MYRIP: variants seen among roughly 807,000 people sequenced by gnomAD.
MYRIP encodes myosin VIIA and Rab interacting protein, also known as rab effector MyRIP.
MYRIP carries 49 observed loss-of-function variants against 98.0 expected under a neutral mutation model. That is an observed-to-expected ratio of 0.50 (90% CI 0.40 to 0.63). The LOEUF (loss-of-function observed/expected upper bound fraction) is 0.63. Ranked by LOEUF, MYRIP falls within the 30% of genes least tolerant of loss-of-function variation. MYRIP has a pLI of 0.00. For missense variants in MYRIP, 1,004 were observed against 1,058.2 expected, an observed-to-expected ratio of 0.95 and a Z score of 0.71; for synonymous variants, 404 against 409.5, an observed-to-expected ratio of 0.99 and a Z score of 0.16.
intron 9 of MYRIP, among the ~76,000 whole-genome samples, chr3:40,184,123 CCTTT>C (rs1950963081): frequency 6.6e-6 from 1 of 152,118 alleles, no homozygotes; most frequent in Non-Finnish European, 1.5e-5. Flanking sequence ...TCTAGATATG[CCTTT>C]CTTTCCTCCC....
chr3:40,021,708 A>G (rs1449244276), intron 2 of MYRIP, among the ~76,000 whole-genome samples: 2 of 152,174 alleles, frequency 1.3e-5, no homozygotes, highest in South Asian at 2.1e-4. Context: ...GTTTTGACCA[A>G]CTCTGGAGGA....
chr3:39,904,604 G>A (rs982772913), intron 2 of MYRIP, among the ~76,000 whole-genome samples: 3 of 152,104 alleles, frequency 2.0e-5, no homozygotes, highest in Non-Finnish European at 4.4e-5. Flanking sequence ...TATGGAAGGG[G>A]CAATGTGACT....
At chr3:39,978,011 CA>C (rs11436334) in intron 2 of MYRIP, among the ~76,000 whole-genome samples, 29,454 of 151,080 alleles carry the variant, frequency 0.19, 5,607 homozygotes, top group African/African-American at 0.49. Context: ...CATTTATCAA[CA>C]AAAAAAAAGA....
At chr3:39,815,541 C>A (rs1344623669) in intron 1 of MYRIP, among the ~76,000 whole-genome samples, 1 of 152,010 alleles carries the variant, frequency 6.6e-6, no homozygotes, top group Non-Finnish European at 1.5e-5. Context: ...TTGGTTATTG[C>A]CAGTATATAG....
At chr3:39,942,901 A>T (rs1159089740) in intron 2 of MYRIP, among the ~76,000 whole-genome samples, 1 of 152,134 alleles carries the variant, frequency 6.6e-6, no homozygotes, top group African/African-American at 2.4e-5. Context: ...GATATGAGTG[A>T]GTGCATGCAA....
chr3:40,212,390 A>C (rs1951988791), intron 11 of MYRIP, among the ~76,000 whole-genome samples: 1 of 151,346 alleles, frequency 6.6e-6, no homozygotes, highest in South Asian at 2.1e-4. Context: ...CTGTAGTTAA[A>C]GAAAAACAGA....
chr3:40,108,214 G>GA (rs1949089558), intron 3 of MYRIP, among the ~76,000 whole-genome samples: 6 of 120,838 alleles, frequency 5.0e-5, no homozygotes, highest in African/African-American at 1.9e-4. Flanking sequence ...AGAGAGAGAG[G>GA]GTGAGTCGAA....
chr3:40,083,880 G>T (rs1279866856), intron 3 of MYRIP, among the ~76,000 whole-genome samples: 2 of 152,140 alleles, frequency 1.3e-5, no homozygotes, highest in African/African-American at 4.8e-5. Flanking sequence ...GCTCACGCCT[G>T]TAATCCCAAC....
intron 3 of MYRIP, among the ~76,000 whole-genome samples, chr3:40,134,646 C>T (rs182443146): frequency 2.0e-5 from 3 of 152,348 alleles, no homozygotes; most frequent in Admixed American, 2.0e-4. Flanking sequence ...TAGGGGCGGA[C>T]TGATGCCTCA....
rs10662369 is a variant in MYRIP at position 39,884,806 on chromosome 3, A to ATTT, written c.-30-15979_-30-15978insTTT. 8.4e-4 allele frequency among the ~76,000 whole-genome samples: 116 copies of ATTT among 137,332 alleles called. 3 individuals are homozygous for ATTT. Among genetic ancestry groups the ATTT allele is most frequent in the East Asian group, 2.7e-3 (13 of 4,788 alleles). The allele number at this position is 137,332 out of a possible 152,430, so 90.1% of individuals were successfully genotyped here. A position where few individuals can be genotyped will look rare whatever the true frequency, so the allele number is the denominator to read the frequency against. On this transcript the variant is annotated intron_variant, in intron 1 of 16. Transcript: ENST00000302541. ...TCCATTGTATGGCTATACAGTCATT[A>ATTT]TTATTTTTTTTTTTTGCATGAATGT... is the stretch of plus-strand genomic sequence containing the variant.
At chr3:39,914,864 C>A (rs1944115027) in intron 2 of MYRIP, among the ~76,000 whole-genome samples, 1 of 152,052 alleles carries the variant, frequency 6.6e-6, no homozygotes, top group Non-Finnish European at 1.5e-5. Context: ...ATGACTATCA[C>A]ATTTGCCCAA....
chr3:39,847,195 C>T (rs746487588), intron 1 of MYRIP, among the ~76,000 whole-genome samples: 2 of 152,146 alleles, frequency 1.3e-5, no homozygotes, highest in Non-Finnish European at 2.9e-5. Flanking sequence ...GGTCATACTT[C>T]CACCTTTTAT....
chr3:39,888,662 A>T (rs1435220973), intron 1 of MYRIP, among the ~76,000 whole-genome samples: 1 of 152,234 alleles, frequency 6.6e-6, no homozygotes, highest in African/African-American at 2.4e-5. Flanking sequence ...TGGCAACAAA[A>T]GCCAAAATTG....
chr3:39,980,997 C>T (rs2125758655), intron 2 of MYRIP, among the ~76,000 whole-genome samples: 1 of 152,202 alleles, frequency 6.6e-6, no homozygotes, highest in Non-Finnish European at 1.5e-5. Flanking sequence ...TATGAATGTC[C>T]TTCATGCCTC....
At chr3:39,979,664 A>AC (rs1945841684) in intron 2 of MYRIP, among the ~76,000 whole-genome samples, 1 of 151,848 alleles carries the variant, frequency 6.6e-6, no homozygotes, top group South Asian at 2.1e-4. Context: ...ACAAAAAAAA[A>AC]AAAACAAAAA....
At chr3:40,047,826 C>G (rs987757535) in intron 3 of MYRIP, among the ~76,000 whole-genome samples, 2 of 152,172 alleles carry the variant, frequency 1.3e-5, no homozygotes, top group African/African-American at 4.8e-5. Context: ...ACCTGGATCA[C>G]ATTCTTGTTT....
chr3:39,928,534 A>G (rs79666821), intron 2 of MYRIP, among the ~76,000 whole-genome samples: 1 of 151,946 alleles, frequency 6.6e-6, no homozygotes. Flanking sequence ...TTTTAAAAAA[A>G]CAATCAATGT....
chr3:40,013,240 T>C (rs189023616), intron 2 of MYRIP, among the ~76,000 whole-genome samples: 1 of 152,284 alleles, frequency 6.6e-6, no homozygotes, highest in Admixed American at 6.5e-5. Flanking sequence ...GCACTTCCAT[T>C]ATTACTCTCG....
intron 1 of MYRIP, among the ~76,000 whole-genome samples, chr3:39,886,024 G>A (rs1043333053): frequency 1.2e-4 from 18 of 152,056 alleles, no homozygotes; most frequent in African/African-American, 4.3e-4. Context: ...GTCCAGCTTT[G>A]TTCCATTGCT....
Sources: gnomAD v4.1 joint callset for allele counts (sites outside exome capture counted in the v4.1 genomes callset) on GRCh38, gnomAD v4.1.1 for gene constraint, MANE v1.5 for transcripts, NCBI Gene and HGNC (gene_info 2026-07-23, HGNC 2026-07-21) for gene names.